Variants in HIVEP3 observed in about 807,000 individuals in gnomAD.
HIVEP3 encodes the protein transcription factor HIVEP3.
HIVEP3 carries 49 observed loss-of-function variants against 152.8 expected under a neutral mutation model. That is an observed-to-expected ratio of 0.32 (90% confidence interval 0.26 to 0.41). HIVEP3 has a LOEUF of 0.41. Ranked by LOEUF, HIVEP3 falls within the 10% of genes least tolerant of loss-of-function variation. HIVEP3 has a pLI of 1.00. For synonymous variants in HIVEP3, 1,269 were observed against 1,289.0 expected (o/e 0.98, Z 0.33); for missense variants, 2,790 against 3,103.3 (o/e 0.90, Z 2.40).
chr1:41,931,228 T>C (rs1168327591), intron 1 of HIVEP3, among the ~76,000 whole-genome samples: 2 of 152,110 alleles, frequency 1.3e-5, no homozygotes, highest in East Asian at 3.8e-4. Context: ...TTTTTCTAGA[T>C]GTATTGTAGT....
chr1:41,946,326 C>T (rs1241271993), intron 1 of HIVEP3, among the ~76,000 whole-genome samples: 2 of 152,162 alleles, frequency 1.3e-5, no homozygotes, highest in Non-Finnish European at 2.9e-5. Flanking sequence ...AAGTGCCAGC[C>T]CATGCCATCA....
chr1:41,838,302 C>T (rs1448572305), intron 1 of HIVEP3, among the ~76,000 whole-genome samples: 3 of 152,138 alleles, frequency 2.0e-5, no homozygotes, highest in Non-Finnish European at 4.4e-5. Context: ...ATTTCCATCG[C>T]ACAAGGATCC....
At chr1:41,575,804 C>T (rs1644319557) in intron 4 of HIVEP3, 115 bp from the exon 5 acceptor site, 7 of 1,139,262 alleles carry the variant, frequency 6.1e-6, no homozygotes, top group South Asian at 6.0e-5. Flanking sequence ...CATATGCAAT[C>T]TTCACACTCC....
At chr1:41,917,310 G>GT (rs1644886268) in intron 1 of HIVEP3, among the ~76,000 whole-genome samples, 1 of 151,830 alleles carries the variant, frequency 6.6e-6, no homozygotes, top group African/African-American at 2.4e-5. Flanking sequence ...CCCTCCCCCC[G>GT]TAACACCCAA....
chr1:41,825,102 G>A (rs1356054556), intron 1 of HIVEP3, among the ~76,000 whole-genome samples: 3 of 152,116 alleles, frequency 2.0e-5, no homozygotes, highest in Non-Finnish European at 4.4e-5. Context: ...CAGGCGGGCT[G>A]AGTCTGAGAA....
At chr1:41,729,427 T>G (rs1570412647) in intron 1 of HIVEP3, among the ~76,000 whole-genome samples, 1 of 152,236 alleles carries the variant, frequency 6.6e-6, no homozygotes, top group South Asian at 2.1e-4. Flanking sequence ...AAGCTCATCG[T>G]CACTGCCTCA....
At chr1:41,579,639 CT>C in intron 4 of HIVEP3, 97 bp downstream of exon 4, 1 of 1,396,840 alleles carries the variant, frequency 7.2e-7, no homozygotes, top group African/African-American at 1.4e-5. Context: ...TAGTCTGGCT[CT>C]AGTTCTGCAA....
intron 5 of HIVEP3, among the ~76,000 whole-genome samples, chr1:41,544,728 AC>A (rs1643637433): frequency 7.1e-6 from 1 of 141,584 alleles, no homozygotes; most frequent in Admixed American, 7.0e-5. Context: ...CTGTACCACC[AC>A]CGCTACCATC....
chr1:41,771,722 G>A (rs1216301043), intron 1 of HIVEP3, among the ~76,000 whole-genome samples: 2 of 152,152 alleles, frequency 1.3e-5, no homozygotes, highest in East Asian at 1.9e-4. Flanking sequence ...AGGCTGGAGT[G>A]CAGTGGTGTA....
intron 1 of HIVEP3, among the ~76,000 whole-genome samples, chr1:41,757,205 T>A (rs1277693190): frequency 2.0e-5 from 3 of 151,370 alleles, no homozygotes; most frequent in Non-Finnish European, 2.9e-5. Context: ...AAGCTCTGCC[T>A]CCCAGGTTCA....
At chr1:41,635,865 A>C (rs1003765107) in intron 2 of HIVEP3, among the ~76,000 whole-genome samples, 14 of 152,198 alleles carry the variant, frequency 9.2e-5, no homozygotes, top group Non-Finnish European at 1.8e-4. Context: ...GTGATTTTCT[A>C]GAAAAGTATA....
chr1:41,724,075 G>C (rs981356549), intron 1 of HIVEP3, among the ~76,000 whole-genome samples: 1 of 152,188 alleles, frequency 6.6e-6, no homozygotes, highest in Non-Finnish European at 1.5e-5. Flanking sequence ...CATGAGGGGG[G>C]AGGGGCAGCT....
intron 1 of HIVEP3, among the ~76,000 whole-genome samples, chr1:41,756,294 A>G (rs1313108761): frequency 6.6e-6 from 1 of 152,214 alleles, no homozygotes; most frequent in African/African-American, 2.4e-5. Context: ...TGGGAAAAGT[A>G]TGACTATAAA....
chr1:41,593,096 G>A (rs1381049758), intron 3 of HIVEP3, among the ~76,000 whole-genome samples: 2 of 152,178 alleles, frequency 1.3e-5, no homozygotes, highest in Non-Finnish European at 2.9e-5. Flanking sequence ...AAAGACCAAC[G>A]ACAGAACAGA....
intron 1 of HIVEP3, chr1:41,849,154 A>T (rs1328606084): frequency 6.6e-6 from 1 of 152,206 alleles, no homozygotes; most frequent in Non-Finnish European, 1.5e-5. Context: ...TGGTCACCTC[A>T]TTCTAGTTCA....
chr1:41,638,539 A>G (rs1645322561), intron 2 of HIVEP3, among the ~76,000 whole-genome samples: 1 of 152,252 alleles, frequency 6.6e-6, no homozygotes, highest in African/African-American at 2.4e-5. Context: ...AAGATGGTAA[A>G]TTATGTTATG....
chr1:41,762,346 G>A (rs1240469876), intron 1 of HIVEP3, among the ~76,000 whole-genome samples: 1 of 152,328 alleles, frequency 6.6e-6, no homozygotes, highest in South Asian at 2.1e-4. Context: ...CCCACTGAAG[G>A]TAAGTATGAA....
chr1:41,707,267 T>C (rs1312895494), intron 1 of HIVEP3, among the ~76,000 whole-genome samples: 2 of 152,186 alleles, frequency 1.3e-5, no homozygotes, highest in Non-Finnish European at 1.5e-5. Flanking sequence ...TCGAGGGCAC[T>C]GGCAGGAGAA....
intron 3 of HIVEP3, among the ~76,000 whole-genome samples, chr1:41,599,370 T>C (rs555778527): frequency 1.3e-4 from 20 of 152,292 alleles, no homozygotes; most frequent in Middle Eastern, 6.8e-3. Context: ...TCTTACTCGA[T>C]TGACAAACGC....
Sources: allele counts gnomAD v4.1 joint callset (sites outside exome capture counted in the v4.1 genomes callset), GRCh38; gene constraint gnomAD v4.1.1; transcripts MANE v1.5; gene names NCBI Gene and HGNC (gene_info 2026-07-23, HGNC 2026-07-21).